Variants in PHACTR3 observed in about 807,000 individuals in gnomAD.
PHACTR3 encodes phosphatase and actin regulator 3.
PHACTR3 carries 16 observed loss-of-function variants against 66.8 expected under a neutral mutation model. The observed-to-expected ratio is 0.24, with a 90% CI of 0.16 to 0.36. PHACTR3 has a LOEUF of 0.36. PHACTR3 is among the 10% of genes least tolerant of loss of function. The probability of loss-of-function intolerance (pLI) is 1.00; values close to 1 mark genes in which losing one functional copy is unlikely to be tolerated. For missense variants in PHACTR3, 647 were observed against 719.9 expected, an observed-to-expected ratio of 0.90 and a Z score of 1.16; for synonymous variants, 323 against 292.1, an observed-to-expected ratio of 1.11 and a Z score of -1.08.
chr20:59,638,806 A>ATGGG (rs2034992235), intron 1 of PHACTR3, among the ~76,000 whole-genome samples: 1 of 136,416 alleles, frequency 7.3e-6, no homozygotes, highest in Non-Finnish European at 1.5e-5. Context: ...AGATGGATGG[A>ATGGG]TGGACGAATG....
chr20:59,787,454 C>A (rs904690227), intron 7 of PHACTR3, among the ~76,000 whole-genome samples: 1 of 152,232 alleles, frequency 6.6e-6, no homozygotes. Context: ...AGGCAGAGAT[C>A]ATTCTGGAGA....
intron 1 of PHACTR3, among the ~76,000 whole-genome samples, chr20:59,658,731 T>C (rs2035708362): frequency 6.6e-6 from 1 of 152,218 alleles, no homozygotes; most frequent in South Asian, 2.1e-4. Context: ...TCCATTATTT[T>C]TGACAATGTC....
At chr20:59,819,399 G>A (rs914785453) in intron 8 of PHACTR3, among the ~76,000 whole-genome samples, 1 of 152,124 alleles carries the variant, frequency 6.6e-6, no homozygotes, top group Non-Finnish European at 1.5e-5. Context: ...AGGCATGGTG[G>A]TGCACACCTG....
At chr20:59,647,761 A>T (rs2035332875) in intron 1 of PHACTR3, among the ~76,000 whole-genome samples, 1 of 152,174 alleles carries the variant, frequency 6.6e-6, no homozygotes, top group Non-Finnish European at 1.5e-5. Context: ...TGGTTGCCTA[A>T]ATCAGAATTA....
At chr20:59,816,148 G>A (rs1425497260) in intron 8 of PHACTR3, among the ~76,000 whole-genome samples, 1 of 151,928 alleles carries the variant, frequency 6.6e-6, no homozygotes, top group Non-Finnish European at 1.5e-5. Flanking sequence ...ATGGGAAACA[G>A]GGATGGATCA....
chr20:59,669,359 C>G (rs1009912075), intron 1 of PHACTR3, among the ~76,000 whole-genome samples: 7 of 152,224 alleles, frequency 4.6e-5, no homozygotes, highest in African/African-American at 1.7e-4. Context: ...TGCCGCTTTT[C>G]CTCATTGCCT....
At chr20:59,749,369 A>G (rs377322654) in intron 3 of PHACTR3, among the ~76,000 whole-genome samples, 1 of 152,222 alleles carries the variant, frequency 6.6e-6, no homozygotes, top group Non-Finnish European at 1.5e-5. Context: ...AAATGAAGCT[A>G]TAGTTTGACT....
intron 1 of PHACTR3, among the ~76,000 whole-genome samples, chr20:59,718,469 A>G (rs1414308686): frequency 1.3e-5 from 2 of 152,162 alleles, no homozygotes; most frequent in Admixed American, 6.6e-5. Context: ...CACCTGGACC[A>G]TCTACAAGGG....
At position 59,698,131 on chromosome 20, in the gene PHACTR3, G is replaced by C. The variant is rs73303163; in HGVS notation, c.119-44976G>C. Among the ~76,000 whole-genome samples the C allele has an allele frequency of 8.1e-3, 1,228 of 152,276 alleles. 15 individuals are homozygous for C. The highest frequency in any genetic ancestry group is 0.028 in the African/African-American group (1,168 of 41,540). ...CAGGGGACTGAATACATCAAATGTGGCATATTCTTACAATGGGACACTTGG... is the reference window on the plus strand; with the variant it reads ...CAGGGGACTGAATACATCAAATGTGCCATATTCTTACAATGGGACACTTGG... On this transcript the variant is annotated intron_variant, in intron 1 of 12. Transcript: ENST00000371015.
At chr20:59,596,097 C>G (rs991879525) in intron 1 of PHACTR3, among the ~76,000 whole-genome samples, 6 of 152,174 alleles carry the variant, frequency 3.9e-5, no homozygotes, top group Non-Finnish European at 8.8e-5. Flanking sequence ...CTATTCTCTG[C>G]AGTCTAACAT....
At chr20:59,823,349 C>A (rs886581708) in intron 8 of PHACTR3, among the ~76,000 whole-genome samples, 1 of 152,108 alleles carries the variant, frequency 6.6e-6, no homozygotes. Flanking sequence ...TCGGGGTGAG[C>A]TGGAACCTGC....
intron 1 of PHACTR3, among the ~76,000 whole-genome samples, chr20:59,679,700 A>G (rs1324431999): frequency 6.6e-6 from 1 of 152,204 alleles, no homozygotes; most frequent in Admixed American, 6.5e-5. Context: ...AGCCCTCACA[A>G]TAATGGCAGA....
At chr20:59,693,424 G>A (rs1011286434) in intron 1 of PHACTR3, among the ~76,000 whole-genome samples, 2 of 152,254 alleles carry the variant, frequency 1.3e-5, no homozygotes, top group African/African-American at 4.8e-5. Flanking sequence ...AAGACATTGG[G>A]ACAGTGATGT....
In PHACTR3 at chr20:59,770,450, C is replaced by T. The variant is rs6015579; in HGVS notation, c.752-2829C>T. 9.2e-3 allele frequency among the ~76,000 whole-genome samples: 1,399 copies of T among 152,308 alleles called. 18 individuals carry two copies. Among genetic ancestry groups the T allele is most frequent in the African/African-American group, 0.032 (1,336 of 41,552 alleles). On this transcript the variant is annotated intron_variant, in intron 5 of 12. Transcript: ENST00000371015. ...CTCCTTACCTGGGCTTCCCTTGCTG[C>T]AGGAGGGACCCTGGCCCAACTGAGT...
intron 8 of PHACTR3, among the ~76,000 whole-genome samples, chr20:59,812,292 A>G (rs1349098580): frequency 1.3e-5 from 2 of 152,222 alleles, no homozygotes; most frequent in African/African-American, 4.8e-5. Context: ...AATGCTCAGT[A>G]GCATCTTTCA....
At chr20:59,785,968 CT>C (rs2040901052) in intron 7 of PHACTR3, among the ~76,000 whole-genome samples, 1 of 152,232 alleles carries the variant, frequency 6.6e-6, no homozygotes. Context: ...TAGCACTAGA[CT>C]TTTCTGTTTA....
rs1436664534 is a variant in PHACTR3, at chr20:59,606,240, C to T, written c.118+1108C>T. On this transcript the variant is annotated intron_variant, in intron 1 of 12. Coordinates refer to ENST00000371015, the MANE Select transcript of PHACTR3 (RefSeq NM_080672.5). Reference sequence around the variant, plus strand: ...GAGGGATTCCTGCACTGGAACACACCAGAGCTTCCCGATAAACTGCCTAGA... The same window carrying T: ...GAGGGATTCCTGCACTGGAACACACTAGAGCTTCCCGATAAACTGCCTAGA... Among the ~76,000 whole-genome samples the T allele has an allele frequency of 2.0e-5, 3 of 152,234 alleles. No homozygotes were observed. In the East Asian group the frequency reaches 5.8e-4, roughly 29 times the overall value.
chr20:59,577,605 G>C (rs562885266), exon 1 of PHACTR3: 2 of 1,209,584 alleles, frequency 1.7e-6, no homozygotes, highest in Admixed American at 8.8e-5. Context: ...CGCCGCCCGA[G>C]ATCCTGCGCA....
intron 1 of PHACTR3, among the ~76,000 whole-genome samples, chr20:59,640,000 A>G (rs974393515): frequency 1.3e-5 from 2 of 152,226 alleles, no homozygotes; most frequent in Non-Finnish European, 2.9e-5. Context: ...AGCTCTATGG[A>G]ATAGCAAAAA....
Sources: gnomAD v4.1 joint callset for allele counts (sites outside exome capture counted in the v4.1 genomes callset) on GRCh38, gnomAD v4.1.1 for gene constraint, MANE v1.5 for transcripts, NCBI Gene and HGNC (gene_info 2026-07-23, HGNC 2026-07-21) for gene names.